The following ATOH8 variants were observed in gnomAD, a reference collection of about 807,000 sequenced individuals.
The protein encoded by ATOH8 is atonal bHLH transcription factor 8.
Under a neutral mutation model 21.2 loss-of-function variants are expected in ATOH8, and 9 were observed. The ratio of observed to expected loss-of-function variants is 0.42; its 90% confidence interval spans 0.26 to 0.74. The LOEUF (loss-of-function observed/expected upper bound fraction) is 0.74, where lower values mean the gene tolerates loss of function less well. Ranked by LOEUF, ATOH8 falls within the 30% of genes least tolerant of loss-of-function variation. The pLI is 0.24. For synonymous variants in ATOH8, 253 were observed against 224.0 expected (o/e 1.13, Z -1.16); for missense variants, 524 against 470.9 (o/e 1.11, Z -1.04).
In ATOH8 at chr2:85,787,224, G is replaced by A. The variant is rs73945817; in HGVS notation, c.*334G>A. The A allele has an allele frequency of 1.3e-3, 467 of 363,620 alleles. 3 individuals carry two copies. The highest frequency in any genetic ancestry group is 8.5e-3 in the African/African-American group (408 of 48,154). 22.5% of individuals were successfully genotyped at this position (363,620 alleles called of 1,614,324 possible). On this transcript the variant is annotated 3_prime_UTR_variant, in exon 3 of 3. Coordinates refer to ENST00000306279, the MANE Select transcript of ATOH8 (RefSeq NM_032827.7). Reference sequence around the variant, plus strand: ...GAGACACCGAAGGAAATGGGGTGGTGAAACCCCACAGCGAAAAGCCACACC... The same window carrying A: ...GAGACACCGAAGGAAATGGGGTGGTAAAACCCCACAGCGAAAAGCCACACC...
At chr2:85,764,325 C>T in intron 2 of ATOH8, 143 bp downstream of exon 2, 1 of 1,041,992 alleles carries the variant, frequency 9.6e-7, no homozygotes. Context: ...GTTGCCTCAG[C>T]TTCAGTGCTC....
intron 2 of ATOH8, among the ~76,000 whole-genome samples, chr2:85,776,474 A>G (rs34117913): frequency 0.23 from 35,542 of 152,190 alleles, 4,393 homozygotes; most frequent in African/African-American, 0.3. Context: ...GGGTCACTGG[A>G]GGCCACTGCT....
chr2:85,756,596 CAT>C (rs1296267194), intron 1 of ATOH8, among the ~76,000 whole-genome samples: 1 of 152,214 alleles, frequency 6.6e-6, no homozygotes, highest in African/African-American at 2.4e-5. Flanking sequence ...TGTTACATCT[CAT>C]GTGCCCACTG....
intron 1 of ATOH8, among the ~76,000 whole-genome samples, chr2:85,759,795 G>T (rs1329441714): frequency 6.6e-6 from 1 of 152,068 alleles, no homozygotes; most frequent in African/African-American, 2.4e-5. Flanking sequence ...AGTCTTGGTG[G>T]GCTTCCAGGA....
At chr2:85,779,985 G>C (rs977000054) in intron 2 of ATOH8, among the ~76,000 whole-genome samples, 1 of 152,224 alleles carries the variant, frequency 6.6e-6, no homozygotes, top group African/African-American at 2.4e-5. Context: ...GGCGTAAGGG[G>C]ATGTAGGAGG....
chr2:85,780,551 G>A (rs2139198), intron 2 of ATOH8: 13,332 of 152,378 alleles, frequency 0.087, 661 homozygotes, highest in South Asian at 0.26. Flanking sequence ...GAGCAGCCTT[G>A]AGAAATACAG....
intron 2 of ATOH8, among the ~76,000 whole-genome samples, chr2:85,770,082 A>G (rs1476435139): frequency 2.0e-5 from 3 of 152,200 alleles, no homozygotes; most frequent in Non-Finnish European, 4.4e-5. Context: ...GTTTGCCCTG[A>G]GAATACTGGC....
At chr2:85,786,064 C>T (rs980758860) in intron 2 of ATOH8, among the ~76,000 whole-genome samples, 5 of 152,150 alleles carry the variant, frequency 3.3e-5, no homozygotes, top group East Asian at 1.9e-4. Flanking sequence ...CTGCTCAGAG[C>T]GCCAAGTTCA....
At chr2:85,759,698 C>T (rs1179130382) in intron 1 of ATOH8, among the ~76,000 whole-genome samples, 1 of 152,056 alleles carries the variant, frequency 6.6e-6, no homozygotes, top group African/African-American at 2.4e-5. Context: ...CTCACTGACA[C>T]GAGACGATCA....
At chr2:85,774,085 T>C (rs2104523324) in intron 2 of ATOH8, 2 of 985,142 alleles carry the variant, frequency 2.0e-6, no homozygotes, top group South Asian at 9.4e-5. Flanking sequence ...CATGGATTAG[T>C]GGCATAAAGG....
chr2:85,790,115 A>G lies in ATOH8; in HGVS notation c.*3225A>G, dbSNP rs749869132. Among the ~76,000 whole-genome samples the G allele has an allele frequency of 2.6e-5, 4 of 152,246 alleles. No individual in the cohort carries two copies. Among genetic ancestry groups the G allele is most frequent in the Non-Finnish European group, 5.9e-5 (4 of 68,044 alleles). On this transcript the variant is annotated 3_prime_UTR_variant, in exon 3 of 3. Transcript: ENST00000306279. ...ATATAAATGACGAGGAGCTGCCCTC[A>G]TGGGGCCCTGTGAAAGCACTTTGCA... is the stretch of plus-strand genomic sequence containing the variant.
At position 85,766,209 on chromosome 2, in the gene ATOH8, T is replaced by C. The variant is rs1187621584; in HGVS notation, c.960+2027T>C. Among the ~76,000 whole-genome samples, 3 of 152,068 alleles carry C rather than the reference T, an allele frequency of 2.0e-5. No homozygotes were observed. The highest frequency in any genetic ancestry group is 1.3e-4 in the Admixed American group (2 of 15,276). On this transcript the variant is annotated intron_variant, in intron 2 of 2. Coordinates refer to ENST00000306279, the MANE Select transcript of ATOH8 (RefSeq NM_032827.7). This position sits in a 1 kb window ranked among gnomAD's most constrained non-coding sequence, Gnocchi z 4.0. ...AATGATAATGAGCCCCTAAAATGCT[T>C]GAGCTCTGAACTTGAGGCTTATCCT...
rs1056260059 is a variant in ATOH8, at chr2:85,766,665, G to T, written c.960+2483G>T. On this transcript the variant is annotated intron_variant, in intron 2 of 2. Coordinates refer to ENST00000306279, the MANE Select transcript of ATOH8 (RefSeq NM_032827.7). This position sits in a 1 kb window ranked among gnomAD's most constrained non-coding sequence, Gnocchi z 4.0. ...GCCTTTGCAAGTGTGGGCATCTCAAGCAGCCAGATTCCTTTCCAGCTCAGG... is the reference window on the plus strand; with the variant it reads ...GCCTTTGCAAGTGTGGGCATCTCAATCAGCCAGATTCCTTTCCAGCTCAGG... 2.6e-5 allele frequency among the ~76,000 whole-genome samples: 4 copies of T among 152,194 alleles called. No homozygotes were observed. Among genetic ancestry groups the T allele is most frequent in the Non-Finnish European group, 4.4e-5 (3 of 68,034 alleles).
intron 2 of ATOH8, among the ~76,000 whole-genome samples, chr2:85,775,847 G>A (rs1680306724): frequency 6.6e-6 from 1 of 152,196 alleles, no homozygotes; most frequent in Admixed American, 6.5e-5. Context: ...TTGTGACAAG[G>A]TGGTTTTCTT....
intron 2 of ATOH8, among the ~76,000 whole-genome samples, chr2:85,783,304 T>A (rs1392090907): frequency 6.6e-6 from 1 of 152,152 alleles, no homozygotes; most frequent in African/African-American, 2.4e-5. Flanking sequence ...GCACGGTGGC[T>A]CAGGCCTATA....
rs181317265 is a variant in ATOH8, at chr2:85,788,220, G to T, written c.*1330G>T. Among the ~76,000 whole-genome samples, 1 of 151,872 alleles carries T rather than the reference G, an allele frequency of 6.6e-6. No individual in the cohort carries two copies. Among genetic ancestry groups the T allele is most frequent in the African/African-American group, 2.4e-5 (1 of 41,336 alleles). On this transcript the variant is annotated 3_prime_UTR_variant, in exon 3 of 3. Transcript: ENST00000306279. ...GAGTGTGTGTGTCTGTGTGTGGAAG[G>T]GGGTGGAGGGCGGTTCCCACAGTAG...
chr2:85,757,406 C>T (rs750575518), intron 1 of ATOH8, among the ~76,000 whole-genome samples: 7 of 152,250 alleles, frequency 4.6e-5, no homozygotes, highest in Non-Finnish European at 1.0e-4. Flanking sequence ...CGAGCTGCAG[C>T]TCTGGAGCTA....
At chr2:85,771,502 G>A (rs899043347) in intron 2 of ATOH8, among the ~76,000 whole-genome samples, 4 of 152,162 alleles carry the variant, frequency 2.6e-5, no homozygotes, top group African/African-American at 9.7e-5. Context: ...GTGCCAGGGT[G>A]GATGAATGAC....
rs1219695754 is a variant in ATOH8, at chr2:85,789,125, A to C, written c.*2235A>C. On this transcript the variant is annotated 3_prime_UTR_variant, in exon 3 of 3. Transcript: ENST00000306279. ...GAAGACCATTTCTATTACCAAAGGG[A>C]GTGTACCCCATTCTGCTGCCAAGGG... Among the ~76,000 whole-genome samples, 31 of 152,140 alleles carry C rather than the reference A, an allele frequency of 2.0e-4. 2 individuals are homozygous for C. The highest frequency in any genetic ancestry group is 2.0e-3 in the Admixed American group (31 of 15,270).
Sources: allele counts gnomAD v4.1 joint callset (sites outside exome capture counted in the v4.1 genomes callset), GRCh38; gene constraint gnomAD v4.1.1; non-coding constraint Gnocchi (gnomAD v3.1); transcripts MANE v1.5; gene names NCBI Gene and HGNC (gene_info 2026-07-23, HGNC 2026-07-21).